Variants in RNASEH2B observed in about 807,000 individuals in gnomAD.
The protein encoded by RNASEH2B is ribonuclease H2 subunit B, also known as Aicardi-Goutieres syndrome 2 protein.
RNASEH2B carries 36 observed loss-of-function variants against 45.0 expected under a neutral mutation model. That is an observed-to-expected ratio of 0.80 (90% confidence interval 0.61 to 1.06). The LOEUF (loss-of-function observed/expected upper bound fraction) is 1.06, where lower values mean the gene tolerates loss of function less well. Among genes scored for constraint, RNASEH2B ranks in the 50% least tolerant of loss-of-function variants. The pLI is 0.00. For synonymous variants in RNASEH2B, 119 were observed against 125.7 expected (o/e 0.95, Z 0.35); for missense variants, 361 against 360.3 (o/e 1.00, Z -0.02).
At chr13:50,931,732 A>G (rs920864833) in intron 4 of RNASEH2B, among the ~76,000 whole-genome samples, 1 of 152,212 alleles carries the variant, frequency 6.6e-6, no homozygotes, top group African/African-American at 2.4e-5. Context: ...AATACTGCCT[A>G]AAAAATCAAC....
chr13:50,959,461 G>GT (rs1313442911), downstream of RNASEH2B: 30 of 145,904 alleles, frequency 2.1e-4, no homozygotes, highest in Admixed American at 2.1e-4. Context: ...GTTCTTTTTT[G>GT]TTTTTTTTTT....
chr13:50,948,485 G>A (rs1001089806), intron 8 of RNASEH2B: 9 of 162,056 alleles, frequency 5.6e-5, no homozygotes, highest in African/African-American at 1.4e-4. Flanking sequence ...GTTCACTAAA[G>A]GGACTTTATG....
At chr13:50,918,777 G>C (rs1331412373) in intron 1 of RNASEH2B, among the ~76,000 whole-genome samples, 3 of 152,232 alleles carry the variant, frequency 2.0e-5, no homozygotes, top group Non-Finnish European at 2.9e-5. Flanking sequence ...AAACAGGCAG[G>C]AGGGTGCCGG....
chr13:50,927,230 A>C (rs1272559506), intron 1 of RNASEH2B, 177 bp from the exon 2 acceptor site: 2 of 538,330 alleles, frequency 3.7e-6, no homozygotes, highest in African/African-American at 1.9e-5. Context: ...CTGAAATTCA[A>C]CTGCAACTTG....
At chr13:50,943,862 A>G (rs1050083242) in intron 6 of RNASEH2B, among the ~76,000 whole-genome samples, 3 of 152,210 alleles carry the variant, frequency 2.0e-5, no homozygotes, top group African/African-American at 7.2e-5. Flanking sequence ...GTCATCTTAC[A>G]GGCAAACCCT....
At chr13:50,925,601 T>C (rs1453838135) in intron 1 of RNASEH2B, among the ~76,000 whole-genome samples, 2 of 152,224 alleles carry the variant, frequency 1.3e-5, no homozygotes, top group East Asian at 3.8e-4. Context: ...TTGAGTACTA[T>C]GCCTAAAGCT....
chr13:50,913,380 C>G (rs955900136), intron 1 of RNASEH2B, among the ~76,000 whole-genome samples: 1 of 151,732 alleles, frequency 6.6e-6, no homozygotes, highest in East Asian at 1.9e-4. Context: ...GAGAGGTCAC[C>G]TGATTCATTG....
intron 1 of RNASEH2B, among the ~76,000 whole-genome samples, chr13:50,915,973 T>C (rs1157485756): frequency 6.6e-6 from 1 of 152,160 alleles, no homozygotes; most frequent in Non-Finnish European, 1.5e-5. Flanking sequence ...CCTTTTAACC[T>C]TCTTTTGACC....
At chr13:50,969,036 T>C (rs903446656) in intron 9 of RNASEH2B, among the ~76,000 whole-genome samples, 3 of 152,240 alleles carry the variant, frequency 2.0e-5, no homozygotes, top group African/African-American at 7.2e-5. Flanking sequence ...CTTAGATTTA[T>C]TTGTTCCTTT....
At chr13:50,915,528 A>C (rs189309849) in intron 1 of RNASEH2B, 39 of 398,594 alleles carry the variant, frequency 9.8e-5, no homozygotes, top group Non-Finnish European at 1.5e-4. Context: ...TATTCATTTA[A>C]GTGCCATTTT....
chr13:50,954,030 G>A (rs191265144), intron 10 of RNASEH2B, 45 bp downstream of exon 10: 52 of 1,167,588 alleles, frequency 4.5e-5, no homozygotes, highest in East Asian at 3.1e-4. Context: ...TACTCAGTGC[G>A]TGATGTGCAT....
chr13:50,919,676 C>G (rs1414029372), intron 1 of RNASEH2B, among the ~76,000 whole-genome samples: 1 of 152,190 alleles, frequency 6.6e-6, no homozygotes, highest in Non-Finnish European at 1.5e-5. Flanking sequence ...TATGGGACTT[C>G]AGATTAAGAG....
At chr13:50,915,690 G>A (rs1879703068) in intron 1 of RNASEH2B, among the ~76,000 whole-genome samples, 1 of 152,228 alleles carries the variant, frequency 6.6e-6, no homozygotes, top group Non-Finnish European at 1.5e-5. Context: ...TGTCACGTAG[G>A]ATTTCCAGGC....
At chr13:50,933,729 G>A (rs1158045039) in intron 4 of RNASEH2B, among the ~76,000 whole-genome samples, 7 of 152,110 alleles carry the variant, frequency 4.6e-5, no homozygotes, top group Admixed American at 4.6e-4. Context: ...TATCATGATT[G>A]TATGGTAGTC....
At position 50,949,236 on chromosome 13, in the gene RNASEH2B, A is replaced by AT. The variant is rs549073088; in HGVS notation, c.699-221dup. 6.8e-5 allele frequency: 35 copies of AT among 516,018 alleles called. No individual in the cohort carries two copies. In the East Asian group the frequency reaches 7.3e-4, roughly 11 times the overall value. 32.0% of individuals were successfully genotyped at this position (516,018 alleles called of 1,614,324 possible). A position where few individuals can be genotyped will look rare whatever the true frequency, so the allele number is the denominator to read the frequency against. ...GTTCCAACAGATGGGTTCTAATTTT[A>AT]TTTTTTAGTTCAGACAACACCAAAA... On this transcript the variant is annotated intron_variant, in intron 8 of 10. Coordinates refer to ENST00000336617, the MANE Select transcript of RNASEH2B (RefSeq NM_024570.4).
intron 5 of RNASEH2B, chr13:50,937,801 CAAGGG>C (rs1951775463): frequency 6.6e-6 from 1 of 152,106 alleles, no homozygotes; most frequent in South Asian, 2.1e-4. Flanking sequence ...AGGGAACTTC[CAAGGG>C]CATCTATGGC....
At position 50,964,811 on chromosome 13, in the gene RNASEH2B, T is replaced by C. The variant is rs142940517; in HGVS notation, c.742-5121T>C. On this transcript the variant is annotated intron_variant, in intron 9 of 9. Coordinates refer to the RNASEH2B transcript ENST00000422660. ...TGAATATGCCAAGCTGTTTCCACACTGGTGCCTTTGTATGACTGGTTTGTC... is the reference window on the plus strand; with the variant it reads ...TGAATATGCCAAGCTGTTTCCACACCGGTGCCTTTGTATGACTGGTTTGTC... 7.2e-4 allele frequency among the ~76,000 whole-genome samples: 110 copies of C among 152,352 alleles called. 1 individual carries two copies. Among genetic ancestry groups the C allele is most frequent in the African/African-American group, 2.6e-3 (108 of 41,580 alleles).
rs71190394 is a variant in RNASEH2B, at chr13:50,939,356, C to CAAAAAAAA, written c.437-3961_437-3960insAAAAAAAA. On this transcript the variant is annotated intron_variant, in intron 5 of 10. Coordinates refer to ENST00000336617, the MANE Select transcript of RNASEH2B (RefSeq NM_024570.4). Reference sequence around the variant, plus strand: ...TGGGTGACAGAGCGAGACTCTGTTTCAAAAGAAAAAAAAATTAGCCAGCTG... The same window carrying CAAAAAAAA: ...TGGGTGACAGAGCGAGACTCTGTTTCAAAAAAAAAAAAGAAAAAAAAATTAGCCAGCTG... Among the ~76,000 whole-genome samples, 18 of 145,560 alleles carry CAAAAAAAA rather than the reference C, an allele frequency of 1.2e-4. 1 individual carries two copies. Among genetic ancestry groups the CAAAAAAAA allele is most frequent in the Admixed American group, 2.0e-4 (3 of 14,640 alleles).
At chr13:50,943,163 A>T (rs1454593422) in intron 5 of RNASEH2B, 158 bp from the exon 6 acceptor site, 5 of 608,448 alleles carry the variant, frequency 8.2e-6, no homozygotes, top group Non-Finnish European at 1.5e-5. Context: ...ACTAACATTT[A>T]AAAAAACATT....
Sources: gnomAD v4.1 joint callset for allele counts (sites outside exome capture counted in the v4.1 genomes callset) on GRCh38, gnomAD v4.1.1 for gene constraint, MANE v1.5 for transcripts, NCBI Gene and HGNC (gene_info 2026-07-23, HGNC 2026-07-21) for gene names.